DMBX1: variants seen among roughly 807,000 people sequenced by gnomAD.
The protein encoded by DMBX1 is diencephalon/mesencephalon homeobox protein 1.
DMBX1 carries 7 observed loss-of-function variants against 30.4 expected under a neutral mutation model. The ratio of observed to expected loss-of-function variants is 0.23; its 90% CI spans 0.13 to 0.43. The LOEUF is 0.43. Ranked by LOEUF, DMBX1 falls within the 20% of genes least tolerant of loss-of-function variation. The pLI, the probability that DMBX1 is intolerant of heterozygous loss-of-function variation, is 1.00. For synonymous variants in DMBX1, 222 were observed against 214.2 expected (o/e 1.04, Z -0.32); for missense variants, 460 against 508.5 (o/e 0.90, Z 0.92).
At chr1:46,492,385 C>G (rs1301513852) in intron 2 of DMBX1, among the ~76,000 whole-genome samples, 3 of 152,222 alleles carry the variant, frequency 2.0e-5, no homozygotes, top group South Asian at 2.1e-4. Context: ...CACGCACACA[C>G]TGTGGATTTT....
At chr1:46,507,361 A>G (rs1312146851) in intron 3 of DMBX1, among the ~76,000 whole-genome samples, 197 bp downstream of exon 3, 10 of 152,246 alleles carry the variant, frequency 6.6e-5, no homozygotes, top group Admixed American at 5.2e-4. Context: ...GTTTGCCAGC[A>G]CTGTCCAGGG....
At chr1:46,496,587 C>G (rs1047162688) in intron 2 of DMBX1, among the ~76,000 whole-genome samples, 1 of 152,238 alleles carries the variant, frequency 6.6e-6, no homozygotes, top group Non-Finnish European at 1.5e-5. Flanking sequence ...GACCCAAAAG[C>G]TCAGAGTTGG....
intron 5 of DMBX1, among the ~76,000 whole-genome samples, 161 bp from the exon 6 acceptor site, chr1:46,511,882 C>A (rs761849906): frequency 2.6e-5 from 4 of 152,146 alleles, no homozygotes; most frequent in Admixed American, 1.3e-4. Flanking sequence ...GGATTCTGAG[C>A]CTTGCTTCAG....
chr1:46,491,168 G>A lies in DMBX1; in HGVS notation c.-13+385G>A, dbSNP rs1014168116. ...GGGAAACCTCCTCTTCCCCAAATTC[G>A]CACCAAATCTGGGGCCCCGACTTTT... On this transcript the variant is annotated intron_variant, in intron 2 of 5. Coordinates refer to ENST00000360032, the MANE Select transcript of DMBX1 (RefSeq NM_172225.2). This position sits in a 1 kb window ranked among gnomAD's most constrained non-coding sequence, Gnocchi z 5.5. Among the ~76,000 whole-genome samples the A allele has an allele frequency of 4.6e-5, 7 of 152,168 alleles. No individual in the cohort carries two copies. The highest frequency in any genetic ancestry group is 1.7e-4 in the African/African-American group (7 of 41,424).
intron 2 of DMBX1, among the ~76,000 whole-genome samples, chr1:46,492,046 T>C (rs1468784739): frequency 6.6e-6 from 1 of 152,104 alleles, no homozygotes; most frequent in East Asian, 1.9e-4. Flanking sequence ...ACCCCTGCAG[T>C]ATTTGGGGGC....
chr1:46,495,856 C>T (rs946869523), intron 2 of DMBX1, among the ~76,000 whole-genome samples: 4 of 152,096 alleles, frequency 2.6e-5, no homozygotes, highest in Non-Finnish European at 5.9e-5. Flanking sequence ...GAGGCAGCCA[C>T]ATAGTAGCTT....
At chr1:46,498,219 G>A (rs12732772) in intron 2 of DMBX1, among the ~76,000 whole-genome samples, 49,025 of 152,126 alleles carry the variant, frequency 0.32, 10,209 homozygotes, top group Non-Finnish European at 0.47. Flanking sequence ...ACCCTCTTGA[G>A]GCCTATGTCC....
At chr1:46,494,203 A>G (rs1363050557) in intron 2 of DMBX1, among the ~76,000 whole-genome samples, 4 of 152,212 alleles carry the variant, frequency 2.6e-5, no homozygotes, top group African/African-American at 7.2e-5. Flanking sequence ...CCCGCCACCT[A>G]CCTGCTCTCA....
chr1:46,510,681 C>G lies in DMBX1; in HGVS notation c.333+27C>G. ...TAGGGCCCAACTCTCCTAACTAGGCCTTGCAGACAAACACCAGCCCATCAG... is the reference window on the plus strand; with the variant it reads ...TAGGGCCCAACTCTCCTAACTAGGCGTTGCAGACAAACACCAGCCCATCAG... On this transcript the variant is annotated intron_variant, in intron 4 of 5. Coordinates refer to ENST00000360032, the MANE Select transcript of DMBX1 (RefSeq NM_172225.2). The surrounding 1 kb of genome is among the most constrained non-coding windows in gnomAD (Gnocchi z 4.1). 1 of 1,603,394 alleles carries G rather than the reference C, an allele frequency of 6.2e-7. No individual in the cohort carries two copies. The highest frequency in any genetic ancestry group is 8.5e-7 in the Non-Finnish European group (1 of 1,174,130).
In DMBX1 at chr1:46,511,023, G is replaced by T; in HGVS notation, c.422G>T (p.Gly141Val). The T allele has an allele frequency of 6.2e-7, 1 of 1,614,074 alleles. No individual in the cohort carries two copies. The highest frequency in any genetic ancestry group is 8.5e-7 in the Non-Finnish European group (1 of 1,179,994). The stretch of plus-strand genomic sequence containing the variant: ...CTCCAGAAGCAGAAGGAGGCTGAGG[G>T]CTCCCATGGGGAAGGCAAGGCCGAG... Reference protein sequence around the residue: ...EQLQKQKEAEGSHGEGKAEAP... With the variant: ...EQLQKQKEAEVSHGEGKAEAP... The change falls in exon 5 of 6, where the codon GGC (glycine) becomes GTC (valine). Residue 141 changes from glycine (G) to valine (V), a missense_variant. Gly to Val is a moderately radical substitution (Grantham distance 109). Around this residue, in one of 3 missense-constraint regions of DMBX1, gnomAD observed 334 missense variants for 345.1 expected, o/e 0.97. Coordinates refer to ENST00000360032, the MANE Select transcript of DMBX1 (RefSeq NM_172225.2).
At position 46,514,957 on chromosome 1, in the gene DMBX1, G is replaced by A. The variant is rs1458668064; in HGVS notation, c.*2463G>A. On this transcript the variant is annotated 3_prime_UTR_variant, in exon 6 of 6. Coordinates refer to ENST00000360032, the MANE Select transcript of DMBX1 (RefSeq NM_172225.2). The stretch of plus-strand genomic sequence containing the variant: ...GAGACTCAGTAGACCATGGGAAGGG[G>A]GTGGCTGGCTTCACGAGAGGTGGGG... Among the ~76,000 whole-genome samples the A allele has an allele frequency of 1.3e-5, 2 of 152,152 alleles. No individual in the cohort carries two copies. The highest frequency in any genetic ancestry group is 2.9e-5 in the Non-Finnish European group (2 of 68,026).
chr1:46,507,442 C>T (rs757982446), intron 3 of DMBX1, among the ~76,000 whole-genome samples: 7 of 152,184 alleles, frequency 4.6e-5, no homozygotes, highest in African/African-American at 9.7e-5. Context: ...AGCCCTATCT[C>T]ACAGATGAAG....
At chr1:46,497,090 TC>T (rs1366966178) in intron 2 of DMBX1, among the ~76,000 whole-genome samples, 1 of 152,202 alleles carries the variant, frequency 6.6e-6, no homozygotes, top group African/African-American at 2.4e-5. Flanking sequence ...AGGGCCTATC[TC>T]TTGGTCACAC....
chr1:46,507,199 ACT>A, intron 3 of DMBX1, 35 bp downstream of exon 3: 1 of 1,609,996 alleles, frequency 6.2e-7, no homozygotes, highest in Non-Finnish European at 8.5e-7. Context: ...TGGGGACAGG[ACT>A]GTGGGGGTTG....
chr1:46,498,472 T>C (rs1465799970), intron 2 of DMBX1, among the ~76,000 whole-genome samples: 2 of 152,208 alleles, frequency 1.3e-5, no homozygotes, highest in African/African-American at 4.8e-5. Flanking sequence ...TGCTTTTTTT[T>C]TCTTTCTCTG....
At chr1:46,497,402 C>G (rs12133257) in intron 2 of DMBX1, among the ~76,000 whole-genome samples, 15,692 of 152,180 alleles carry the variant, frequency 0.1, 910 homozygotes, top group East Asian at 0.18. Flanking sequence ...CCGTGCCATT[C>G]TCTCAGAGAA....
chr1:46,490,591 C>G (rs1665911662), intron 1 of DMBX1, among the ~76,000 whole-genome samples, 53 bp from the exon 2 acceptor site: 1 of 152,220 alleles, frequency 6.6e-6, no homozygotes, highest in Non-Finnish European at 1.5e-5. Flanking sequence ...TCCACGCGAA[C>G]CCCGCAGTGC....
intron 3 of DMBX1, among the ~76,000 whole-genome samples, chr1:46,509,359 C>G (rs561212808): frequency 1.3e-5 from 2 of 152,272 alleles, no homozygotes; most frequent in Admixed American, 6.5e-5. Context: ...GCCACTGTGC[C>G]GGGCCTCCTC....
intron 2 of DMBX1, among the ~76,000 whole-genome samples, chr1:46,496,951 C>T (rs1456198445): frequency 6.6e-6 from 1 of 152,196 alleles, no homozygotes. Flanking sequence ...GTGGCCTCTC[C>T]CCTCAGAGTG....
Sources: allele counts gnomAD v4.1 joint callset (sites outside exome capture counted in the v4.1 genomes callset), GRCh38; gene constraint gnomAD v4.1.1; regional missense constraint gnomAD v4.1.1; non-coding constraint Gnocchi (gnomAD v3.1); transcripts MANE v1.5; gene names NCBI Gene and HGNC (gene_info 2026-07-23, HGNC 2026-07-21).